Variants in HEATR5B observed in about 807,000 individuals in gnomAD.
HEATR5B encodes HEAT repeat-containing protein 5B.
In HEATR5B, 156 loss-of-function variants were observed where a neutral mutation model predicts 224.1. That is an observed-to-expected ratio of 0.70 (90% confidence interval 0.61 to 0.80). The LOEUF is 0.80. HEATR5B is among the 30% of genes least tolerant of loss of function. The pLI is 0.00. For synonymous variants in HEATR5B, 1,027 were observed against 893.0 expected (o/e 1.15, Z -2.68); for missense variants, 2,323 against 2,535.5 (o/e 0.92, Z 1.80).
intron 21 of HEATR5B, among the ~76,000 whole-genome samples, chr2:37,035,565 G>A (rs1425530170): frequency 6.6e-6 from 1 of 152,136 alleles, no homozygotes; most frequent in African/African-American, 2.4e-5. Context: ...TTTACAATCA[G>A]CTTGTCAATT....
intron 20 of HEATR5B, among the ~76,000 whole-genome samples, chr2:37,038,693 C>A (rs532075675): frequency 6.6e-6 from 1 of 152,070 alleles, no homozygotes. Flanking sequence ...CCCTATAATA[C>A]CAGCATTTTG....
chr2:37,033,315 C>T (rs1298761287), intron 21 of HEATR5B, among the ~76,000 whole-genome samples: 1 of 152,046 alleles, frequency 6.6e-6, no homozygotes. Flanking sequence ...ATGTTAGTAG[C>T]CAAAATAATT....
intron 20 of HEATR5B, among the ~76,000 whole-genome samples, chr2:37,039,866 T>C (rs1272119783): frequency 6.6e-6 from 1 of 152,206 alleles, no homozygotes; most frequent in Admixed American, 6.5e-5. Context: ...CTTCTCGCAG[T>C]TTACTTCCTC....
At chr2:37,030,307 GA>G (rs1669046996) in intron 22 of HEATR5B, among the ~76,000 whole-genome samples, 1 of 152,192 alleles carries the variant, frequency 6.6e-6, no homozygotes, top group Admixed American at 6.5e-5. Context: ...CAAGAAAAGA[GA>G]ACACTAGGAA....
At chr2:37,009,057 A>C (rs1237079644) in intron 27 of HEATR5B, among the ~76,000 whole-genome samples, 1 of 151,984 alleles carries the variant, frequency 6.6e-6, no homozygotes, top group African/African-American at 2.4e-5. Context: ...CAAGAGATTG[A>C]GACCATCCTG....
chr2:37,073,828 TG>T (rs1288765010), intron 5 of HEATR5B, among the ~76,000 whole-genome samples: 1 of 152,142 alleles, frequency 6.6e-6, no homozygotes, highest in Non-Finnish European at 1.5e-5. Context: ...AGAACAAAGT[TG>T]GAGGGCTAAC....
chr2:37,028,953 G>A lies in HEATR5B; in HGVS notation c.3362-33C>T, dbSNP rs560453732. On this transcript the variant is annotated intron_variant, in intron 22 of 35. Transcript: ENST00000233099. ...GTAATTTTTACAAATGAATTTGTAT[G>A]GTATTTTGGTGTACGCTATAGGTAA... 2.4e-4 allele frequency: 387 copies of A among 1,607,114 alleles called. 3 individuals are homozygous for A. The South Asian group carries it at 4.1e-3, about 17-fold the overall frequency.
At chr2:37,000,358 G>A (rs1263438252) in intron 33 of HEATR5B, among the ~76,000 whole-genome samples, 1 of 152,108 alleles carries the variant, frequency 6.6e-6, no homozygotes, top group East Asian at 1.9e-4. Context: ...TTACAGACGT[G>A]GGCCACCACG....
chr2:37,028,366 T>C (rs569139298), intron 23 of HEATR5B, among the ~76,000 whole-genome samples, 192 bp from the exon 24 acceptor site: 2 of 152,274 alleles, frequency 1.3e-5, no homozygotes, highest in East Asian at 3.9e-4. Flanking sequence ...TACTTTTATG[T>C]AAACTACATT....
chr2:37,007,373 T>G (rs1363243346), intron 28 of HEATR5B, 69 bp from the exon 29 acceptor site: 2 of 1,424,354 alleles, frequency 1.4e-6, no homozygotes, highest in African/African-American at 3.2e-5. Flanking sequence ...AGACCAAGTC[T>G]CGTTCTGTCG....
At chr2:37,005,116 C>T (rs1256910254) in intron 30 of HEATR5B, among the ~76,000 whole-genome samples, 1 of 152,204 alleles carries the variant, frequency 6.6e-6, no homozygotes, top group East Asian at 1.9e-4. Context: ...TGTCCAGCCT[C>T]ATCTAACAAC....
intron 26 of HEATR5B, 71 bp from the exon 27 acceptor site, chr2:37,014,091 C>CT: frequency 1.2e-6 from 1 of 847,110 alleles, no homozygotes; most frequent in Non-Finnish European, 1.8e-6. Flanking sequence ...GAATAAATGA[C>CT]TTTTTTCCTA....
chr2:37,044,321 A>G (rs1254029281), intron 18 of HEATR5B, among the ~76,000 whole-genome samples: 1 of 152,200 alleles, frequency 6.6e-6, no homozygotes, highest in Non-Finnish European at 1.5e-5. Flanking sequence ...GTCTTCTATC[A>G]TTATAGTTTA....
At chr2:37,003,762 A>C in intron 30 of HEATR5B, 76 bp from the exon 31 acceptor site, 1 of 1,008,122 alleles carries the variant, frequency 9.9e-7, no homozygotes, top group African/African-American at 1.7e-5. Flanking sequence ...AAATCTGAGA[A>C]AATACCTATG....
At chr2:36,990,324 C>T (rs2247610) in intron 34 of HEATR5B, among the ~76,000 whole-genome samples, 7,527 of 152,206 alleles carry the variant, frequency 0.049, 628 homozygotes, top group African/African-American at 0.17. Context: ...TTCATTAAAA[C>T]GTCAATAATA....
chr2:37,052,867 T>C (rs1670646842), intron 17 of HEATR5B, among the ~76,000 whole-genome samples: 2 of 152,208 alleles, frequency 1.3e-5, no homozygotes, highest in Non-Finnish European at 2.9e-5. Flanking sequence ...CAAGATTTTA[T>C]CATGCTACTC....
chr2:36,985,463 T>G (rs1572727247), intron 35 of HEATR5B, among the ~76,000 whole-genome samples: 2 of 147,158 alleles, frequency 1.4e-5, no homozygotes, highest in Non-Finnish European at 3.0e-5. Context: ...TTTTGGTTTT[T>G]TTTTTTTTTT....
chr2:37,008,607 T>A lies in HEATR5B; in HGVS notation c.4522+4A>T. ...AAAAGTAAAACTCAGAATGTAATAC[T>A]CACCATCTGGAGGAAGCTGACTAGA... On this transcript the variant is annotated splice_donor_region_variant and intron_variant, in intron 28 of 35. Transcript: ENST00000233099. The A allele has an allele frequency of 6.3e-7, 1 of 1,592,580 alleles. No homozygotes were observed. Among genetic ancestry groups the A allele is most frequent in the Non-Finnish European group, 8.6e-7 (1 of 1,160,442 alleles).
intron 33 of HEATR5B, among the ~76,000 whole-genome samples, chr2:36,994,287 T>C (rs1224915021): frequency 3.9e-5 from 6 of 152,212 alleles, no homozygotes; most frequent in African/African-American, 1.2e-4. Context: ...TTGAAATTTA[T>C]TTCAAAGTCA....
Sources: allele counts gnomAD v4.1 joint callset (sites outside exome capture counted in the v4.1 genomes callset), GRCh38; gene constraint gnomAD v4.1.1; transcripts MANE v1.5; gene names NCBI Gene and HGNC (gene_info 2026-07-23, HGNC 2026-07-21).